Variants in ZNF655 observed in about 807,000 individuals in gnomAD.
ZNF655 encodes Vav-interacting Kruppel-like protein 1.
A neutral mutation model predicts 6.6 loss-of-function variants in ZNF655; 3 were observed. That is an observed-to-expected ratio of 0.46 (90% CI 0.21 to 1.18). The LOEUF (loss-of-function observed/expected upper bound fraction) is 1.18. Among genes scored for constraint, ZNF655 ranks in the 50% most tolerant of loss-of-function variants. The pLI is 0.24. For missense variants in ZNF655, 526 were observed against 572.3 expected (o/e 0.92, Z 0.83); for synonymous variants, 178 against 195.0 (o/e 0.91, Z 0.73).
In ZNF655 at chr7:99,573,687, TTCAGTCATAGC is replaced by T. The variant is rs1804246497; in HGVS notation, c.*108_*118del. 7.4e-7 allele frequency: 1 copy of T among 1,344,776 alleles called. No homozygotes were observed. The highest frequency in any genetic ancestry group is 1.5e-5 in the African/African-American group (1 of 68,244). The allele number at this position is 1,344,776 out of a possible 1,614,324, so 83.3% of individuals were successfully genotyped here. ...TGTATGTACTGCATGTGGTAAAGCC[TTCAGTCATAGC>T]TCAGCCATTGCTCAGCATCAGATAA... is the stretch of plus-strand genomic sequence containing the variant. On this transcript the variant is annotated 3_prime_UTR_variant, in exon 3 of 3. Coordinates refer to ENST00000252713, the MANE Select transcript of ZNF655 (RefSeq NM_138494.3).
In ZNF655 at chr7:99,573,540, C is replaced by T. The variant is rs779848913; in HGVS notation, c.1432C>T (p.His478Tyr). The change falls in exon 3 of 3, where the codon CAT becomes TAT. Residue 478 changes from histidine to tyrosine, a missense_variant. Coordinates refer to ENST00000252713, the MANE Select transcript of ZNF655 (RefSeq NM_138494.3). ...GGAAAAGAACTCCAGTCAGAGAGCACATCTAGTTCAACATCAGAGCATTCA... is the reference window on the plus strand; with the variant it reads ...GGAAAAGAACTCCAGTCAGAGAGCATATCTAGTTCAACATCAGAGCATTCA... ...VWEKNSSQRA[H>Y]LVQHQSIHTK... 3.1e-6 allele frequency: 5 copies of T among 1,608,124 alleles called. No individual in the cohort carries two copies. The East Asian group carries it at 1.1e-4, about 36-fold the overall frequency.
At chr7:99,563,846 C>G (rs1257254323) in intron 2 of ZNF655, 7 of 1,598,658 alleles carry the variant, frequency 4.4e-6, no homozygotes, top group Non-Finnish European at 5.1e-6. Flanking sequence ...CCATTCCTGG[C>G]TCTTTAATCT....
At chr7:99,562,623 C>A in intron 2 of ZNF655, 1 of 881,016 alleles carries the variant, frequency 1.1e-6, no homozygotes, top group Non-Finnish European at 1.6e-6. Flanking sequence ...ACCTCTGAAT[C>A]CTTATCTTTC....
Position 99,573,159 on chromosome 7 carries a change from G to T in ZNF655, c.1051G>T (p.Val351Phe), listed in dbSNP as rs376146963. 4 of 1,613,978 alleles carry T rather than the reference G, an allele frequency of 2.5e-6. No individual in the cohort carries two copies. The African/African-American group carries it at 4.0e-5, about 16-fold the overall frequency. Residue 351 changes from valine (V) to phenylalanine (F), a missense_variant, in exon 3 of 3, where the codon GTC becomes TTC. Coordinates refer to ENST00000252713, the MANE Select transcript of ZNF655 (RefSeq NM_138494.3). Reference sequence around the variant, plus strand: ...TTCATACCTACTTGAACATCAGAGGGTCCATCATGAAGAGAAAGCCTATGA... The same window carrying T: ...TTCATACCTACTTGAACATCAGAGGTTCCATCATGAAGAGAAAGCCTATGA... ...HTSYLLEHQR[V>F]HHEEKAYEYD...
At position 99,560,751 on chromosome 7, in the gene ZNF655, A is replaced by AC. The variant is rs1562931145; in HGVS notation, c.136+56_136+57insC. ...GAGTGGGAGTGCGGAGGGGCTCCCG[A>AC]GGGGGCTCCTGGGCCTGGTTTGAGA... On this transcript the variant is annotated intron_variant, in intron 2 of 2. Coordinates refer to ENST00000252713, the MANE Select transcript of ZNF655 (RefSeq NM_138494.3). The AC allele has an allele frequency of 4.4e-6, 7 of 1,590,036 alleles. No individual in the cohort carries two copies. In the African/African-American group the frequency reaches 8.1e-5, roughly 18 times the overall value.
chr7:99,566,043 A>G lies in ZNF655; in HGVS notation c.136+5348A>G, dbSNP rs535462260. Among the ~76,000 whole-genome samples the G allele has an allele frequency of 7.5e-3, 934 of 124,020 alleles. 8 individuals are homozygous for G. The highest frequency in any genetic ancestry group is 0.023 in the South Asian group (79 of 3,382). The allele number at this position is 124,020 out of a possible 152,430, so 81.4% of individuals were successfully genotyped here. A position where few individuals can be genotyped will look rare whatever the true frequency, so the allele number is the denominator to read the frequency against. ...TATATGTGTGTGTGTGTGTGTGTGT[A>G]TATATATATATAAAGGATATGTGTA... On this transcript the variant is annotated intron_variant, in intron 2 of 2. Transcript: ENST00000252713.
chr7:99,563,821 T>G, intron 2 of ZNF655: 1 of 1,582,490 alleles, frequency 6.3e-7, no homozygotes, highest in Non-Finnish European at 8.5e-7. Flanking sequence ...ACTGGGACGG[T>G]TTTTAGTGTG....
Position 99,569,671 on chromosome 7 carries a change from C to G in ZNF655, c.137-2574C>G, listed in dbSNP as rs371240101. ...TAAATGAGTGAAAACCTAGAGAGCTCTTGGCATGGTACTTTGCACCTACCA... is the reference window on the plus strand; with the variant it reads ...TAAATGAGTGAAAACCTAGAGAGCTGTTGGCATGGTACTTTGCACCTACCA... On this transcript the variant is annotated intron_variant, in intron 2 of 2. Transcript: ENST00000252713. Among the ~76,000 whole-genome samples the G allele has an allele frequency of 1.8e-4, 28 of 152,238 alleles. No individual in the cohort carries two copies. The East Asian group carries it at 3.7e-3, about 20-fold the overall frequency.
In ZNF655 at chr7:99,573,291, C is replaced by T. The variant is rs1200771762; in HGVS notation, c.1183C>T (p.Leu395Phe). Reference sequence around the variant, plus strand: ...AAAAGACTTCAGATTGAATTCACATCTTATTCAGCATCAAAGAATTCACAC... The same window carrying T: ...AAAAGACTTCAGATTGAATTCACATTTTATTCAGCATCAAAGAATTCACAC... ...CGKDFRLNSH[L>F]IQHQRIHTGE... Residue 395 changes from leucine (L) to phenylalanine (F), a missense_variant, in exon 3 of 3, where the codon CTT becomes TTT. Transcript: ENST00000252713. 1.2e-6 allele frequency: 2 copies of T among 1,614,016 alleles called. No homozygotes were observed. The highest frequency in any genetic ancestry group is 1.7e-6 in the Non-Finnish European group (2 of 1,180,006).
chr7:99,573,299 G>A lies in ZNF655; in HGVS notation c.1191G>A (p.Gln397=). The A allele has an allele frequency of 6.2e-7, 1 of 1,614,138 alleles. No homozygotes were observed. Among genetic ancestry groups the A allele is most frequent in the Non-Finnish European group, 8.5e-7 (1 of 1,180,010 alleles). Residue 397 remains glutamine, a synonymous_variant, in exon 3 of 3, where the codon CAG becomes CAA. Coordinates refer to ENST00000252713, the MANE Select transcript of ZNF655 (RefSeq NM_138494.3). ...KDFRLNSHLI[Q]HQRIHTGEKA... is the part of the protein sequence containing the mutation. ...TCAGATTGAATTCACATCTTATTCA[G>A]CATCAAAGAATTCACACAGGAGAGA...
intron 2 of ZNF655, among the ~76,000 whole-genome samples, chr7:99,568,463 G>C (rs1584258894): frequency 6.6e-6 from 1 of 152,048 alleles, no homozygotes; most frequent in East Asian, 1.9e-4. Context: ...TGTTAGCCAG[G>C]ATGGTCTCGA....
At chr7:99,560,994 T>C (rs878923633) in intron 2 of ZNF655, 2 of 229,416 alleles carry the variant, frequency 8.7e-6, no homozygotes, top group Non-Finnish European at 8.5e-6. Context: ...TTCTAAGATA[T>C]GCTGCTTTTG....
Position 99,560,630 on chromosome 7 carries a change from C to T in ZNF655, c.71C>T (p.Ser24Phe), listed in dbSNP as rs767876633. The T allele has an allele frequency of 6.2e-7, 1 of 1,614,190 alleles. No individual in the cohort carries two copies. The highest frequency in any genetic ancestry group is 1.7e-5 in the Admixed American group (1 of 60,018). Residue 24 changes from serine (S) to phenylalanine (F), a missense_variant, in exon 2 of 3, where the codon TCT becomes TTT. Ser to Phe is a radical substitution (Grantham distance 155, BLOSUM62 -2). Transcript: ENST00000252713. ...RVQFQSLETQ[S>F]ECLSPEPQFV... ...CAGTTTCAGTCTTTGGAGACCCAGT[C>T]TGAGTGTCTGTCCCCAGAGCCTCAG...
intron 2 of ZNF655, among the ~76,000 whole-genome samples, chr7:99,564,869 G>A (rs562491884): frequency 2.0e-5 from 3 of 152,250 alleles, no homozygotes; most frequent in East Asian, 3.9e-4. Context: ...CAAGAGACAC[G>A]CACAGTGCAA....
In ZNF655 at chr7:99,561,806, C is replaced by A. The variant is rs1415635460; in HGVS notation, c.136+1111C>A. Reference sequence around the variant, plus strand: ...GTATTGAGGAGGGTCCTGCTGACACCCCTTGGGCTGGAGAGGCCTCCTCTG... The same window carrying A: ...GTATTGAGGAGGGTCCTGCTGACACACCTTGGGCTGGAGAGGCCTCCTCTG... On this transcript the variant is annotated intron_variant, in intron 2 of 2. Transcript: ENST00000252713. The A allele has an allele frequency of 9.8e-6, 8 of 820,072 alleles. No individual in the cohort carries two copies. The East Asian group carries it at 2.3e-4, about 23-fold the overall frequency. 50.8% of individuals were successfully genotyped at this position (820,072 alleles called of 1,614,324 possible). A position where few individuals can be genotyped will look rare whatever the true frequency, so the allele number is the denominator to read the frequency against.
At position 99,572,723 on chromosome 7, in the gene ZNF655, CCCT is replaced by C. The variant is rs1804178208; in HGVS notation, c.616_618del (p.Pro206del). Reference sequence around the variant, plus strand: ...CCCACCTTAATAAATGGGAGAGCATCCCTAACACTGAGAAATCCTATAAATGTG... The same window carrying C: ...CCCACCTTAATAAATGGGAGAGCATCAACACTGAGAAATCCTATAAATGTG... On this transcript the variant is annotated inframe_deletion, in exon 3 of 3. Coordinates refer to ENST00000252713, the MANE Select transcript of ZNF655 (RefSeq NM_138494.3). 6.2e-7 allele frequency: 1 copy of C among 1,613,044 alleles called. No individual in the cohort carries two copies. Among genetic ancestry groups the C allele is most frequent in the South Asian group, 1.1e-5 (1 of 91,034 alleles).
intron 2 of ZNF655, chr7:99,564,384 G>A: frequency 9.5e-7 from 1 of 1,057,230 alleles, no homozygotes; most frequent in Non-Finnish European, 1.1e-6. Flanking sequence ...TAACTCTCCT[G>A]TGAACCCTGG....
chr7:99,571,037 G>C (rs892848853), intron 2 of ZNF655: 1 of 268,702 alleles, frequency 3.7e-6, no homozygotes, highest in Non-Finnish European at 7.5e-6. Context: ...TCTCTGTGTA[G>C]AGTGTGAGGT....
intron 2 of ZNF655, among the ~76,000 whole-genome samples, chr7:99,568,689 C>T (rs1584259201): frequency 6.6e-6 from 1 of 152,222 alleles, no homozygotes; most frequent in Middle Eastern, 3.4e-3. Flanking sequence ...AATTCCTGAG[C>T]TCATGAGATC....
Sources: allele counts gnomAD v4.1 joint callset (sites outside exome capture counted in the v4.1 genomes callset), GRCh38; gene constraint gnomAD v4.1.1; transcripts MANE v1.5; gene names NCBI Gene and HGNC (gene_info 2026-07-23, HGNC 2026-07-21).